Variants in INPP4B observed in about 807,000 individuals in gnomAD.
INPP4B encodes inositol polyphosphate 4-phosphatase type II.
In INPP4B, 55 loss-of-function variants were observed where a neutral mutation model predicts 122.5. The observed-to-expected ratio is 0.45, with a 90% confidence interval of 0.36 to 0.56. INPP4B has a LOEUF of 0.56. Among genes scored for constraint, INPP4B ranks in the 20% least tolerant of loss-of-function variants. INPP4B has a pLI of 0.00. For missense variants in INPP4B, 1,000 were observed against 1,097.7 expected (o/e 0.91, Z 1.26); for synonymous variants, 403 against 388.7 (o/e 1.04, Z -0.43).
At chr4:142,839,770 C>T (rs1004594964) in intron 1 of INPP4B, among the ~76,000 whole-genome samples, 4 of 152,266 alleles carry the variant, frequency 2.6e-5, no homozygotes, top group South Asian at 4.2e-4. Flanking sequence ...TGTGGGAATG[C>T]ATTGTACTAC....
intron 1 of INPP4B, among the ~76,000 whole-genome samples, chr4:142,825,337 A>G (rs938863915): frequency 6.6e-6 from 1 of 152,150 alleles, no homozygotes. Flanking sequence ...ACAAAATTTG[A>G]ATGTTTTCAC....
At chr4:142,139,419 G>C (rs998314826) in intron 18 of INPP4B, among the ~76,000 whole-genome samples, 7 of 152,086 alleles carry the variant, frequency 4.6e-5, no homozygotes, top group African/African-American at 1.4e-4. Context: ...TGATTCTCTA[G>C]CCTCAGCCTC....
chr4:142,335,714 T>A (rs1171765237), intron 7 of INPP4B, among the ~76,000 whole-genome samples: 1 of 152,192 alleles, frequency 6.6e-6, no homozygotes, highest in African/African-American at 2.4e-5. Flanking sequence ...TAACTTTTAG[T>A]CAGTTGACTT....
intron 7 of INPP4B, among the ~76,000 whole-genome samples, chr4:142,324,914 T>C (rs1771755047): frequency 6.6e-6 from 1 of 152,204 alleles, no homozygotes; most frequent in African/African-American, 2.4e-5. Flanking sequence ...CCAATACAAC[T>C]GCTGAAAGCT....
At chr4:142,600,118 T>A (rs1416168872) in intron 2 of INPP4B, among the ~76,000 whole-genome samples, 2 of 152,088 alleles carry the variant, frequency 1.3e-5, no homozygotes, top group Non-Finnish European at 2.9e-5. Context: ...TAGAAGATAA[T>A]TTCTCAAATC....
intron 2 of INPP4B, among the ~76,000 whole-genome samples, chr4:142,570,348 T>C (rs1022701579): frequency 6.6e-6 from 1 of 152,014 alleles, no homozygotes; most frequent in Admixed American, 6.6e-5. Flanking sequence ...CCACTGAAAA[T>C]TTTCAGCACA....
chr4:142,287,869 T>A (rs1277536532), intron 9 of INPP4B, among the ~76,000 whole-genome samples: 3 of 152,194 alleles, frequency 2.0e-5, no homozygotes, highest in African/African-American at 7.2e-5. Flanking sequence ...ACATTTTTGT[T>A]TTCATAGTTG....
intron 1 of INPP4B, among the ~76,000 whole-genome samples, chr4:142,805,317 T>C (rs886609232): frequency 2.6e-5 from 4 of 152,112 alleles, no homozygotes; most frequent in African/African-American, 9.7e-5. Flanking sequence ...ATATAAGATG[T>C]ATTAGGGGAG....
chr4:142,068,657 A>C (rs1036539246), intron 25 of INPP4B, among the ~76,000 whole-genome samples: 4 of 152,142 alleles, frequency 2.6e-5, no homozygotes, highest in African/African-American at 9.7e-5. Context: ...CAAATGGAAA[A>C]CAAAAAAAAG....
chr4:142,714,327 A>G (rs1363657465), intron 2 of INPP4B, among the ~76,000 whole-genome samples: 8 of 152,154 alleles, frequency 5.3e-5, no homozygotes, highest in Admixed American at 5.2e-4. Flanking sequence ...GCCCTCAACC[A>G]TGTTCTCTTC....
chr4:142,783,367 C>T (rs1013425899), intron 1 of INPP4B, among the ~76,000 whole-genome samples: 16 of 152,102 alleles, frequency 1.1e-4, no homozygotes, highest in African/African-American at 3.9e-4. Context: ...CATGAACAGA[C>T]ACTTCTCAAA....
chr4:142,694,701 G>A (rs904495888), intron 2 of INPP4B, among the ~76,000 whole-genome samples: 1 of 152,236 alleles, frequency 6.6e-6, no homozygotes, highest in East Asian at 1.9e-4. Flanking sequence ...CTGCAGCTTC[G>A]TCCTTTGTGG....
intron 7 of INPP4B, among the ~76,000 whole-genome samples, chr4:142,336,386 C>T (rs997527560): frequency 6.6e-6 from 1 of 152,242 alleles, no homozygotes; most frequent in African/African-American, 2.4e-5. Context: ...AGCAGTCACA[C>T]TTCTGGAGGC....
At chr4:142,479,334 G>C (rs1159886846) in intron 2 of INPP4B, among the ~76,000 whole-genome samples, 4 of 152,140 alleles carry the variant, frequency 2.6e-5, no homozygotes, top group African/African-American at 9.7e-5. Context: ...AATTAGCAGA[G>C]AAAAGACAAC....
At chr4:142,371,272 CT>C (rs376666361) in intron 7 of INPP4B, among the ~76,000 whole-genome samples, 652 of 152,186 alleles carry the variant, frequency 4.3e-3, no homozygotes, top group Non-Finnish European at 6.5e-3. Context: ...CATAAATCAA[CT>C]CAAAGTAGAT....
chr4:142,427,670 G>A (rs1425000849), intron 5 of INPP4B, among the ~76,000 whole-genome samples: 1 of 151,990 alleles, frequency 6.6e-6, no homozygotes, highest in Non-Finnish European at 1.5e-5. Flanking sequence ...TGCTTCTGCT[G>A]CTTCAGATTC....
intron 3 of INPP4B, 113 bp from the exon 4 acceptor site, chr4:142,431,498 C>T (rs1809282580): frequency 7.8e-6 from 4 of 515,466 alleles, no homozygotes; most frequent in Middle Eastern, 5.3e-4. Flanking sequence ...TTCCTGCCTA[C>T]TCCACTCATA....
In INPP4B at chr4:142,503,272, G is replaced by T. The variant is rs1176086483; in HGVS notation, c.-190-40546C>A. ...TGAAATAGTTGGGTCAAATGTACCA[G>T]ATCATGAATGCTGGGACAGTAAAAA... On this transcript the variant is annotated intron_variant, in intron 2 of 25. Coordinates refer to ENST00000262992, the MANE Select transcript of INPP4B (RefSeq NM_001101669.3). 2.0e-5 allele frequency among the ~76,000 whole-genome samples: 3 copies of T among 152,180 alleles called. No homozygotes were observed. The East Asian group carries it at 5.8e-4, about 29-fold the overall frequency.
intron 9 of INPP4B, among the ~76,000 whole-genome samples, chr4:142,301,186 C>T (rs760527155): frequency 6.6e-5 from 10 of 152,064 alleles, no homozygotes; most frequent in South Asian, 2.1e-4. Context: ...ATGGATTACA[C>T]CCAGAAATGA....
Sources: gnomAD v4.1 joint callset for allele counts (sites outside exome capture counted in the v4.1 genomes callset) on GRCh38, gnomAD v4.1.1 for gene constraint, MANE v1.5 for transcripts, NCBI Gene and HGNC (gene_info 2026-07-23, HGNC 2026-07-21) for gene names.